The following CREBL2 variants were observed in gnomAD, a reference collection of about 807,000 sequenced individuals.
The protein encoded by CREBL2 is cAMP responsive element binding protein like 2.
Under a neutral mutation model 19.5 loss-of-function variants are expected in CREBL2, and 4 were observed. The observed-to-expected ratio is 0.20, with a 90% CI of 0.10 to 0.47. The LOEUF (loss-of-function observed/expected upper bound fraction) is 0.47. Ranked by LOEUF, CREBL2 falls within the 20% of genes least tolerant of loss-of-function variation. The pLI is 0.98. For missense variants in CREBL2, 85 were observed against 145.1 expected, an observed-to-expected ratio of 0.59 and a Z score of 2.13; for synonymous variants, 42 against 46.6, an observed-to-expected ratio of 0.90 and a Z score of 0.40.
At chr12:12,618,609 C>G (rs1291300888) in intron 1 of CREBL2, among the ~76,000 whole-genome samples, 1 of 152,188 alleles carries the variant, frequency 6.6e-6, no homozygotes, top group African/African-American at 2.4e-5. Context: ...CAGAGACGCT[C>G]CTCACTTCCC....
At chr12:12,628,524 A>T (rs1945419814) in intron 1 of CREBL2, among the ~76,000 whole-genome samples, 1 of 152,202 alleles carries the variant, frequency 6.6e-6, no homozygotes, top group African/African-American at 2.4e-5. Context: ...TATCTAAGAA[A>T]CCATTGCCTA....
intron 3 of CREBL2, among the ~76,000 whole-genome samples, chr12:12,640,375 T>G (rs1004204184): frequency 1.8e-4 from 27 of 152,194 alleles, no homozygotes; most frequent in African/African-American, 6.3e-4. Flanking sequence ...GTTTATAGGC[T>G]CTCTGCAAGA....
At position 12,612,155 on chromosome 12, in the gene CREBL2, G is replaced by A; in HGVS notation, c.-18G>A. The A allele has an allele frequency of 6.2e-7, 1 of 1,611,912 alleles. No homozygotes were observed. Among genetic ancestry groups the A allele is most frequent in the South Asian group, 1.1e-5 (1 of 91,086 alleles). ...GCTCCGGGAGGGAGTGCCTGGCCAG[G>A]CCGGCCTGTCTGCCGCGATGGATGA... is the stretch of plus-strand genomic sequence containing the variant. On this transcript the variant is annotated 5_prime_UTR_variant, in exon 1 of 4. Transcript: ENST00000228865.
chr12:12,641,253 A>ATTTTTTTTTTTTTTTTTTTTTTTTTTTT lies in CREBL2; in HGVS notation c.359-732_359-731insTTTTTTTTTTTTTTTTTTTTTTTTTTTT, dbSNP rs142404101. 2.6e-5 allele frequency among the ~76,000 whole-genome samples: 2 copies of ATTTTTTTTTTTTTTTTTTTTTTTTTTTT among 78,262 alleles called. 1 individual carries two copies. The highest frequency in any genetic ancestry group is 5.0e-5 in the Non-Finnish European group (2 of 39,952). The allele number at this position is 78,262 out of a possible 152,430, so 51.3% of individuals were successfully genotyped here. ...TATTATTATTATTATTATTATTATT[A>ATTTTTTTTTTTTTTTTTTTTTTTTTTTT]TTTTTTTTTATTTTTTTTTTTTTTA... is the stretch of plus-strand genomic sequence containing the variant. On this transcript the variant is annotated intron_variant, in intron 3 of 3. Coordinates refer to ENST00000228865, the MANE Select transcript of CREBL2 (RefSeq NM_001310.4).
At chr12:12,641,250 A>ATT (rs1248375488) in intron 3 of CREBL2, among the ~76,000 whole-genome samples, 2,145 of 57,212 alleles carry the variant, frequency 0.037, 203 homozygotes, top group Admixed American at 0.093. Flanking sequence ...TATTATTATT[A>ATT]TTATTTTTTT....
chr12:12,636,010 C>T, intron 2 of CREBL2, 36 bp downstream of exon 2: 1 of 1,559,412 alleles, frequency 6.4e-7, no homozygotes, highest in Non-Finnish European at 8.8e-7. Flanking sequence ...AAAAAATCAC[C>T]TTAACAGTCA....
At chr12:12,626,145 G>T (rs573731142) in intron 1 of CREBL2, among the ~76,000 whole-genome samples, 1 of 152,246 alleles carries the variant, frequency 6.6e-6, no homozygotes, top group East Asian at 1.9e-4. Flanking sequence ...AGAATCTTTG[G>T]AATAGGATTA....
At chr12:12,617,108 A>T (rs1945316935) in intron 1 of CREBL2, among the ~76,000 whole-genome samples, 1 of 152,230 alleles carries the variant, frequency 6.6e-6, no homozygotes, top group Admixed American at 6.5e-5. Flanking sequence ...GACAGATTTG[A>T]ATGGGGAATA....
At chr12:12,631,929 CTGTTACAAAAAGCCAAAACATTTGGT>C (rs1378167087) in intron 1 of CREBL2, among the ~76,000 whole-genome samples, 1 of 151,982 alleles carries the variant, frequency 6.6e-6, no homozygotes, top group Non-Finnish European at 1.5e-5. Flanking sequence ...TAGGCATTAG[CTGTTACAAAAAGCCAAAACATTTGGT>C]TTATTACTGA....
intron 1 of CREBL2, 152 bp downstream of exon 1, chr12:12,612,339 A>AG: frequency 6.9e-7 from 1 of 1,439,718 alleles, no homozygotes; most frequent in African/African-American, 1.4e-5. Flanking sequence ...GATGGTACCC[A>AG]GCCAGGAAAT....
At chr12:12,617,787 T>G (rs1051756725) in intron 1 of CREBL2, among the ~76,000 whole-genome samples, 2 of 151,126 alleles carry the variant, frequency 1.3e-5, no homozygotes, top group African/African-American at 2.4e-5. Flanking sequence ...AACAAGGGTC[T>G]CTGGTTTTTC....
intron 1 of CREBL2, among the ~76,000 whole-genome samples, chr12:12,631,054 A>C (rs2136304310): frequency 6.6e-6 from 1 of 152,348 alleles, no homozygotes; most frequent in Non-Finnish European, 1.5e-5. Flanking sequence ...TTAAAAGAGA[A>C]AGTGTTTAAA....
chr12:12,621,258 C>T (rs2136300898), intron 1 of CREBL2, among the ~76,000 whole-genome samples: 1 of 152,312 alleles, frequency 6.6e-6, no homozygotes, highest in Middle Eastern at 3.4e-3. Flanking sequence ...GTGGCTCACG[C>T]CTGTAATCCC....
At chr12:12,619,398 G>C (rs1945342489) in intron 1 of CREBL2, among the ~76,000 whole-genome samples, 1 of 152,070 alleles carries the variant, frequency 6.6e-6, no homozygotes. Context: ...TTGAGTTCAG[G>C]AGTTCAAGAT....
chr12:12,620,848 G>A (rs1945353494), intron 1 of CREBL2, among the ~76,000 whole-genome samples: 1 of 152,108 alleles, frequency 6.6e-6, no homozygotes, highest in African/African-American at 2.4e-5. Context: ...TATTGGGTGA[G>A]GCAGACAAAT....
At chr12:12,627,335 T>C (rs1026736038) in intron 1 of CREBL2, among the ~76,000 whole-genome samples, 3 of 152,090 alleles carry the variant, frequency 2.0e-5, no homozygotes, top group Non-Finnish European at 2.9e-5. Context: ...CCTAAACAGC[T>C]GTAAAAAAAT....
intron 1 of CREBL2, among the ~76,000 whole-genome samples, chr12:12,618,390 A>G (rs1945331069): frequency 6.6e-6 from 1 of 150,574 alleles, no homozygotes; most frequent in Non-Finnish European, 1.5e-5. Flanking sequence ...CAGATCCCAG[A>G]TGGGGTCATG....
chr12:12,614,715 A>C (rs1320255987), intron 1 of CREBL2: 1 of 295,466 alleles, frequency 3.4e-6, no homozygotes, highest in East Asian at 1.1e-4. Flanking sequence ...GTCAGCTCTT[A>C]AGAGTACTTA....
At chr12:12,637,481 C>G in intron 2 of CREBL2, 89 bp from the exon 3 acceptor site, 1 of 876,712 alleles carries the variant, frequency 1.1e-6, no homozygotes. Context: ...TCTAGGATTT[C>G]TACCAGTGGT....
Sources: allele counts gnomAD v4.1 joint callset (sites outside exome capture counted in the v4.1 genomes callset), GRCh38; gene constraint gnomAD v4.1.1; transcripts MANE v1.5; gene names NCBI Gene and HGNC (gene_info 2026-07-23, HGNC 2026-07-21).